The following GPC5 variants were observed in gnomAD, a reference collection of about 807,000 sequenced individuals.
GPC5 encodes the protein glypican-5.
Under a neutral mutation model 53.9 loss-of-function variants are expected in GPC5, and 47 were observed. The ratio of observed to expected loss-of-function variants is 0.87; its 90% CI spans 0.69 to 1.11. The LOEUF (loss-of-function observed/expected upper bound fraction) is 1.11. GPC5 is among the 50% of genes most tolerant of loss of function. GPC5 has a pLI of 0.00. For missense variants in GPC5, 748 were observed against 713.1 expected (o/e 1.05, Z -0.56); for synonymous variants, 286 against 263.3 (o/e 1.09, Z -0.84).
intron 2 of GPC5, among the ~76,000 whole-genome samples, chr13:91,611,474 G>C (rs1398956802): frequency 6.6e-6 from 1 of 152,082 alleles, no homozygotes; most frequent in East Asian, 1.9e-4. Context: ...TCGGAATCCA[G>C]TCTCATCTTC....
intron 7 of GPC5, among the ~76,000 whole-genome samples, chr13:92,817,354 C>T (rs1188329347): frequency 6.6e-6 from 1 of 151,848 alleles, no homozygotes; most frequent in African/African-American, 2.4e-5. Flanking sequence ...GCATCAATAT[C>T]CTTTCAAATA....
chr13:91,725,173 G>T (rs1292641297), intron 3 of GPC5: 1 of 152,262 alleles, frequency 6.6e-6, no homozygotes, highest in Non-Finnish European at 1.5e-5. Flanking sequence ...TTCAAGGTGA[G>T]ATGGGAACTT....
intron 2 of GPC5, among the ~76,000 whole-genome samples, chr13:91,531,269 T>C (rs189816726): frequency 6.6e-6 from 1 of 152,300 alleles, no homozygotes; most frequent in East Asian, 1.9e-4. Flanking sequence ...GTCCATTGTT[T>C]TACTTGAAGG....
intron 7 of GPC5, among the ~76,000 whole-genome samples, chr13:92,790,785 A>T (rs1876432567): frequency 6.6e-6 from 1 of 152,128 alleles, no homozygotes; most frequent in South Asian, 2.1e-4. Context: ...ATGACTCTAA[A>T]TGACCTTGTC....
intron 7 of GPC5, among the ~76,000 whole-genome samples, chr13:92,647,321 T>C (rs1475368910): frequency 2.6e-5 from 4 of 152,170 alleles, no homozygotes; most frequent in African/African-American, 9.6e-5. Context: ...TAACAAATGT[T>C]GAATTTTATC....
At chr13:92,818,716 T>C (rs1306537529) in intron 7 of GPC5, among the ~76,000 whole-genome samples, 2 of 151,944 alleles carry the variant, frequency 1.3e-5, no homozygotes, top group Admixed American at 6.6e-5. Context: ...AGGAAATGAA[T>C]TGAGAAACTT....
chr13:92,455,023 TACACATGCTATA>T (rs1878204823), intron 7 of GPC5, among the ~76,000 whole-genome samples: 1 of 152,166 alleles, frequency 6.6e-6, no homozygotes, highest in Admixed American at 6.5e-5. Flanking sequence ...CCACTTAATT[TACACATGCTATA>T]TGTTAAATAT....
chr13:92,152,566 G>C (rs1283240373), intron 7 of GPC5, among the ~76,000 whole-genome samples: 3 of 151,702 alleles, frequency 2.0e-5, no homozygotes, highest in Admixed American at 2.0e-4. Context: ...TGAAACCCTG[G>C]CTCTACTAAA....
At chr13:91,867,766 T>G (rs1369564173) in intron 5 of GPC5, among the ~76,000 whole-genome samples, 1 of 152,224 alleles carries the variant, frequency 6.6e-6, no homozygotes, top group Non-Finnish European at 1.5e-5. Flanking sequence ...ATAAGGAAAA[T>G]TAATTCAAAA....
chr13:92,638,277 G>A (rs1184081795), intron 7 of GPC5, among the ~76,000 whole-genome samples: 2 of 152,092 alleles, frequency 1.3e-5, no homozygotes, highest in Admixed American at 6.5e-5. Flanking sequence ...CCTGAACATT[G>A]CTTTGAGACA....
At chr13:92,211,264 G>A (rs1337262290) in intron 7 of GPC5, among the ~76,000 whole-genome samples, 2 of 152,160 alleles carry the variant, frequency 1.3e-5, no homozygotes, top group Admixed American at 6.5e-5. Context: ...AGGCAAACAA[G>A]CACAATGGGT....
At position 92,527,233 on chromosome 13, in the gene GPC5, GAA is replaced by G. The variant is rs779023134; in HGVS notation, c.1562-339047_1562-339046del. ...AGAAAGAAAGAAAGAAAGAAAGAAA[GAA>G]AGAAAGAAAGAAAGAGAAAGAAAGA... is the stretch of plus-strand genomic sequence containing the variant. On this transcript the variant is annotated intron_variant, in intron 7 of 7. Coordinates refer to ENST00000377067, the MANE Select transcript of GPC5 (RefSeq NM_004466.6). Among the ~76,000 whole-genome samples the G allele has an allele frequency of 3.8e-3, 143 of 37,536 alleles. 7 individuals are homozygous for G. Among genetic ancestry groups the G allele is most frequent in the African/African-American group, 0.019 (129 of 6,858 alleles). The allele number at this position is 37,536 out of a possible 152,430, so 24.6% of individuals were successfully genotyped here. A position where few individuals can be genotyped will look rare whatever the true frequency, so the allele number is the denominator to read the frequency against.
intron 6 of GPC5, among the ~76,000 whole-genome samples, chr13:92,143,061 G>A (rs1594780285): frequency 6.6e-6 from 1 of 152,176 alleles, no homozygotes; most frequent in South Asian, 2.1e-4. Context: ...TATTTGCAAA[G>A]TGCTTTGCAT....
chr13:91,619,744 G>A (rs1056750651), intron 2 of GPC5, among the ~76,000 whole-genome samples: 17 of 152,098 alleles, frequency 1.1e-4, no homozygotes, highest in African/African-American at 3.9e-4. Flanking sequence ...GTTCTTCGGA[G>A]TTTTTCTGTA....
chr13:91,433,928 G>T (rs1174855407), intron 1 of GPC5, among the ~76,000 whole-genome samples: 1 of 152,096 alleles, frequency 6.6e-6, no homozygotes, highest in Admixed American at 6.5e-5. Flanking sequence ...TTGTGGTTTT[G>T]ATTTGCATTT....
At chr13:91,597,384 C>T (rs1265366121) in intron 2 of GPC5, among the ~76,000 whole-genome samples, 1 of 152,092 alleles carries the variant, frequency 6.6e-6, no homozygotes, top group African/African-American at 2.4e-5. Context: ...ATTTGCAAAT[C>T]TTGTTTGGAG....
chr13:92,219,354 G>A (rs1356639525), intron 7 of GPC5, among the ~76,000 whole-genome samples: 4 of 152,100 alleles, frequency 2.6e-5, no homozygotes, highest in African/African-American at 9.7e-5. Context: ...CTATAGTGTA[G>A]GGTTTAGATC....
At chr13:91,722,980 A>T (rs1295799412) in intron 3 of GPC5, among the ~76,000 whole-genome samples, 1 of 152,142 alleles carries the variant, frequency 6.6e-6, no homozygotes, top group Non-Finnish European at 1.5e-5. Context: ...AACTTCCTAT[A>T]AATATTCCTT....
chr13:92,224,945 T>C (rs768594189), intron 7 of GPC5, among the ~76,000 whole-genome samples: 1 of 152,218 alleles, frequency 6.6e-6, no homozygotes, highest in Non-Finnish European at 1.5e-5. Context: ...CTGAGTCCTA[T>C]AGTCCTAGCA....
Sources: gnomAD v4.1 joint callset for allele counts (sites outside exome capture counted in the v4.1 genomes callset) on GRCh38, gnomAD v4.1.1 for gene constraint, MANE v1.5 for transcripts, NCBI Gene and HGNC (gene_info 2026-07-23, HGNC 2026-07-21) for gene names.